The following ARMC8 variants were observed in gnomAD, a reference collection of about 807,000 sequenced individuals.
ARMC8 encodes armadillo repeat-containing protein 8.
A neutral mutation model predicts 99.3 loss-of-function variants in ARMC8; 20 were observed. The observed-to-expected ratio is 0.20, with a 90% CI of 0.14 to 0.29. The LOEUF is 0.29. ARMC8 is among the 10% of genes least tolerant of loss of function. The pLI is 1.00. For synonymous variants in ARMC8, 263 were observed against 278.3 expected (o/e 0.95, Z 0.55); for missense variants, 569 against 809.5 (o/e 0.70, Z 3.60).
intron 1 of ARMC8, among the ~76,000 whole-genome samples, chr3:138,199,018 C>G (rs1325992451): frequency 6.6e-6 from 1 of 152,048 alleles, no homozygotes; most frequent in African/African-American, 2.4e-5. Flanking sequence ...AGATTCCATG[C>G]TAGGAATCTC....
chr3:138,246,088 A>G (rs2046867383), intron 12 of ARMC8: 3 of 985,262 alleles, frequency 3.0e-6, no homozygotes, highest in South Asian at 4.7e-5. Context: ...AGAGTTTACC[A>G]TGATTCAGAG....
intron 12 of ARMC8, among the ~76,000 whole-genome samples, chr3:138,260,506 T>C (rs2047654354): frequency 6.6e-6 from 1 of 152,200 alleles, no homozygotes; most frequent in Non-Finnish European, 1.5e-5. Flanking sequence ...TTCCACAGGT[T>C]CTTTCATATC....
intron 10 of ARMC8, 75 bp from the exon 11 acceptor site, chr3:138,241,708 G>C: frequency 8.4e-7 from 1 of 1,187,300 alleles, no homozygotes; most frequent in Non-Finnish European, 1.2e-6. Flanking sequence ...AAAAGCTATT[G>C]AGTTGATTCA....
At chr3:138,231,619 A>G (rs1388791159) in intron 6 of ARMC8, among the ~76,000 whole-genome samples, 4 of 152,130 alleles carry the variant, frequency 2.6e-5, no homozygotes, top group African/African-American at 9.7e-5. Flanking sequence ...TTTGGAGTTT[A>G]AGACCATGAG....
chr3:138,288,432 T>G (rs2050627133), intron 19 of ARMC8, among the ~76,000 whole-genome samples: 1 of 151,944 alleles, frequency 6.6e-6, no homozygotes. Flanking sequence ...AATTGCAAAC[T>G]GTACCCATAG....
intron 7 of ARMC8, among the ~76,000 whole-genome samples, chr3:138,236,673 A>G (rs1468326091): frequency 6.6e-6 from 1 of 152,152 alleles, no homozygotes; most frequent in Non-Finnish European, 1.5e-5. Context: ...TTCCACATTA[A>G]AACATCATGT....
chr3:138,270,063 A>T lies in ARMC8; in HGVS notation c.1410A>T (p.Val470=). 6.2e-7 allele frequency: 1 copy of T among 1,613,140 alleles called. No homozygotes were observed. Among genetic ancestry groups the T allele is most frequent in the African/African-American group, 1.3e-5 (1 of 75,000 alleles). The stretch of plus-strand genomic sequence containing the variant: ...AGCCAATTTTGGAATCAGGAGCCGT[A>T]GAGCTACTTTGTGGATTAACTCAGA... ...SKEPILESGA[V]ELLCGLTQSE... The change falls in exon 16 of 22, where the codon GTA becomes GTT. Residue 470 remains valine (V), a synonymous_variant. Transcript: ENST00000469044.
chr3:138,192,156 ACT>A (rs2043422093), intron 1 of ARMC8, among the ~76,000 whole-genome samples: 1 of 151,892 alleles, frequency 6.6e-6, no homozygotes, highest in African/African-American at 2.4e-5. Context: ...GCCATTTGAT[ACT>A]GTTATTATTT....
intron 1 of ARMC8, among the ~76,000 whole-genome samples, chr3:138,205,979 A>C (rs1306536754): frequency 6.6e-6 from 1 of 152,266 alleles, no homozygotes. Flanking sequence ...TGCTGTCTAA[A>C]GTAAAAAGGA....
At chr3:138,282,299 G>A (rs547036091) in intron 18 of ARMC8, among the ~76,000 whole-genome samples, 50 of 152,152 alleles carry the variant, frequency 3.3e-4, no homozygotes, top group Admixed American at 3.2e-3. Flanking sequence ...TGTGAGTCTG[G>A]TGTTGCCACA....
At chr3:138,251,099 C>T (rs540772822) in intron 12 of ARMC8, among the ~76,000 whole-genome samples, 94 of 151,820 alleles carry the variant, frequency 6.2e-4, no homozygotes, top group African/African-American at 2.0e-3. Flanking sequence ...TGCAGTGAGC[C>T]GTGATCACAC....
chr3:138,240,768 A>G (rs916201030), intron 10 of ARMC8, among the ~76,000 whole-genome samples: 7 of 152,262 alleles, frequency 4.6e-5, no homozygotes, highest in African/African-American at 1.7e-4. Context: ...AAGACTTTCT[A>G]TAATGATAAC....
chr3:138,297,205 G>T lies in ARMC8; in HGVS notation c.*1313G>T, dbSNP rs564351914. ...CTAAAAGCACTCAAGTTGAGAGAGG[G>T]GCAAGGGAATCTCCCCAGGATGACT... is the stretch of plus-strand genomic sequence containing the variant. On this transcript the variant is annotated 3_prime_UTR_variant, in exon 22 of 22. Transcript: ENST00000469044. 4 of 152,236 alleles carry T rather than the reference G, an allele frequency of 2.6e-5. No individual in the cohort carries two copies. The highest frequency in any genetic ancestry group is 6.5e-5 in the Admixed American group (1 of 15,300). 9.4% of individuals were successfully genotyped at this position (152,236 alleles called of 1,614,324 possible).
chr3:138,229,183 T>C (rs1271070496), intron 6 of ARMC8, 173 bp downstream of exon 6: 6 of 24,698 alleles, frequency 2.4e-4, no homozygotes, highest in African/African-American at 9.0e-4. Flanking sequence ...TATATATATA[T>C]GTATATGTAT....
At chr3:138,288,224 T>G (rs977553218) in intron 19 of ARMC8, among the ~76,000 whole-genome samples, 10 of 152,202 alleles carry the variant, frequency 6.6e-5, no homozygotes, top group African/African-American at 2.2e-4. Context: ...GTTACAGAAC[T>G]TCATGACCAT....
intron 5 of ARMC8, among the ~76,000 whole-genome samples, chr3:138,226,205 A>G (rs1468561164): frequency 6.6e-6 from 1 of 152,152 alleles, no homozygotes; most frequent in East Asian, 1.9e-4. Flanking sequence ...CATATTGGCC[A>G]GGCTGGTCTC....
chr3:138,191,995 T>G (rs2043413395), intron 1 of ARMC8, among the ~76,000 whole-genome samples: 1 of 152,202 alleles, frequency 6.6e-6, no homozygotes, highest in Non-Finnish European at 1.5e-5. Flanking sequence ...TTTTCATATC[T>G]CTGAGCTAAA....
chr3:138,228,959 G>A lies in ARMC8; in HGVS notation c.477G>A (p.Arg159=). The change falls in exon 6 of 22, where the codon AGG becomes AGA. Residue 159 remains arginine (R), a synonymous_variant. Coordinates refer to ENST00000469044, the MANE Select transcript of ARMC8 (RefSeq NM_001363941.2). The stretch of plus-strand genomic sequence containing the variant: ...CACACCTCATGGCACTGCTTAGCAG[G>A]TCCCGCTATACCCAGGAGTACATCT... The part of the protein sequence containing the change: ...VIPHLMALLS[R]SRYTQEYICQ... 6 of 1,609,882 alleles carry A rather than the reference G, an allele frequency of 3.7e-6. No individual in the cohort carries two copies. The highest frequency in any genetic ancestry group is 5.1e-6 in the Non-Finnish European group (6 of 1,177,768).
chr3:138,200,863 C>T (rs1185062904), intron 1 of ARMC8, among the ~76,000 whole-genome samples: 4 of 142,880 alleles, frequency 2.8e-5, no homozygotes, highest in East Asian at 4.1e-4. Context: ...ATTGCTTTTT[C>T]TCTTTCTCCC....
Sources: gnomAD v4.1 joint callset for allele counts (sites outside exome capture counted in the v4.1 genomes callset) on GRCh38, gnomAD v4.1.1 for gene constraint, MANE v1.5 for transcripts, NCBI Gene and HGNC (gene_info 2026-07-23, HGNC 2026-07-21) for gene names.